The following DELE1 variants were observed in gnomAD, a reference collection of about 807,000 sequenced individuals.
DELE1 encodes the protein DAP3 binding cell death enhancer 1, also known as death ligand signal enhancer.
A neutral mutation model predicts 59.3 loss-of-function variants in DELE1; 54 were observed. The ratio of observed to expected loss-of-function variants is 0.91; its 90% confidence interval spans 0.73 to 1.14. DELE1 has a LOEUF of 1.14. Among genes scored for constraint, DELE1 ranks in the 50% most tolerant of loss-of-function variants. DELE1 has a pLI of 0.00. For missense variants in DELE1, 636 were observed against 643.9 expected (o/e 0.99, Z 0.13); for synonymous variants, 264 against 259.1 (o/e 1.02, Z -0.18).
intron 3 of DELE1, among the ~76,000 whole-genome samples, chr5:141,926,068 C>T (rs532091932): frequency 7.9e-5 from 12 of 151,918 alleles, no homozygotes; most frequent in African/African-American, 1.7e-4. Flanking sequence ...TTAGTAGAGA[C>T]GGGGTTTCAC....
intron 8 of DELE1, 133 bp from the exon 9 acceptor site, chr5:141,934,107 G>T: frequency 1.4e-6 from 1 of 694,758 alleles, no homozygotes. Context: ...TTAAATTTTA[G>T]CTTATCTGAA....
chr5:141,939,529 C>T lies in DELE1; in HGVS notation c.*770C>T. ...AGGAAGAAGTTTCTTGCCCAAATGCCTGGATGTGTCTGCTTGACTTTCAGA... is the reference window on the plus strand; with the variant it reads ...AGGAAGAAGTTTCTTGCCCAAATGCTTGGATGTGTCTGCTTGACTTTCAGA... On this transcript the variant is annotated 3_prime_UTR_variant, in exon 12 of 12. Coordinates refer to ENST00000432126, the MANE Select transcript of DELE1 (RefSeq NM_014773.5). 1.0e-6 allele frequency: 1 copy of T among 985,818 alleles called. No individual in the cohort carries two copies. Among genetic ancestry groups the T allele is most frequent in the Non-Finnish European group, 1.2e-6 (1 of 829,940 alleles). 61.1% of individuals were successfully genotyped at this position (985,818 alleles called of 1,614,324 possible).
rs144966236 is a variant in DELE1, at chr5:141,941,622, G to A, written c.*2863G>A. ...GGGCCAGCCTGGGTCAGGATGCTGGGTTAAAGCCCGGCGCCCTCACCAATG... is the reference window on the plus strand; with the variant it reads ...GGGCCAGCCTGGGTCAGGATGCTGGATTAAAGCCCGGCGCCCTCACCAATG... On this transcript the variant is annotated 3_prime_UTR_variant, in exon 12 of 12. Transcript: ENST00000432126. 894 of 985,458 alleles carry A rather than the reference G, an allele frequency of 9.1e-4. 1 individual carries two copies. Among genetic ancestry groups the A allele is most frequent in the Admixed American group, 1.5e-3 (25 of 16,284 alleles). The allele number at this position is 985,458 out of a possible 1,614,324, so 61.0% of individuals were successfully genotyped here.
chr5:141,924,832 T>C (rs561273506), intron 2 of DELE1, 137 bp downstream of exon 2: 23 of 607,940 alleles, frequency 3.8e-5, no homozygotes, highest in African/African-American at 3.7e-4. Flanking sequence ...CTCAGCTCAC[T>C]GCAACCTCCG....
chr5:141,927,919 A>G (rs1212734174), intron 3 of DELE1, among the ~76,000 whole-genome samples: 1 of 150,960 alleles, frequency 6.6e-6, no homozygotes, highest in African/African-American at 2.5e-5. Flanking sequence ...GTCCCTGCCC[A>G]TGTCGTGCTT....
chr5:141,934,847 C>T, intron 10 of DELE1: 1 of 510,946 alleles, frequency 2.0e-6, no homozygotes. Context: ...ACAGAAATTG[C>T]TAAATGCCAT....
chr5:141,940,303 G>GAGAAA lies in DELE1; in HGVS notation c.*1545_*1546insGAAAA. On this transcript the variant is annotated 3_prime_UTR_variant, in exon 12 of 12. Coordinates refer to ENST00000432126, the MANE Select transcript of DELE1 (RefSeq NM_014773.5). ...AGGAGAGAGACTTAGGAAAAAAAAA[G>GAGAAA]ATTTCTGAGTCAGTGCTAATGAGTC... 1.0e-6 allele frequency: 1 copy of GAGAAA among 985,074 alleles called. No individual in the cohort carries two copies. Among genetic ancestry groups the GAGAAA allele is most frequent in the Non-Finnish European group, 1.2e-6 (1 of 829,832 alleles). 61.0% of individuals were successfully genotyped at this position (985,074 alleles called of 1,614,324 possible). A position where few individuals can be genotyped will look rare whatever the true frequency, so the allele number is the denominator to read the frequency against.
chr5:141,934,676 G>T, intron 10 of DELE1, 90 bp downstream of exon 10: 1 of 1,252,222 alleles, frequency 8.0e-7, no homozygotes, highest in Non-Finnish European at 1.2e-6. Context: ...CTGTGCTTAG[G>T]AGATTGTTGG....
intron 2 of DELE1, 66 bp downstream of exon 2, chr5:141,924,761 T>G (rs112383381): frequency 0.11 from 121,707 of 1,074,442 alleles, 9,088 homozygotes; most frequent in African/African-American, 0.32. Flanking sequence ...TTTTTTTTTT[T>G]TTGTTGTTTT....
chr5:141,924,654 T>C lies in DELE1; in HGVS notation c.105T>C (p.Thr35=), dbSNP rs1218127756. 14 of 1,613,968 alleles carry C rather than the reference T, an allele frequency of 8.7e-6. No individual in the cohort carries two copies. Among genetic ancestry groups the C allele is most frequent in the Admixed American group, 1.7e-5 (1 of 60,006 alleles). ...CCACCAGCCCAGATGGGCCTCAGAC[T>C]ACCTCCTCCACTTTGCTGGTTCCTG... ...PKSTSPDGPQ[T]TSSTLLVPVP... The change falls in exon 2 of 12, where the codon ACT becomes ACC. Residue 35 remains threonine, a synonymous_variant. Transcript: ENST00000432126.
intron 3 of DELE1, among the ~76,000 whole-genome samples, chr5:141,925,973 G>T (rs1418862524): frequency 6.6e-6 from 1 of 151,924 alleles, no homozygotes; most frequent in Non-Finnish European, 1.5e-5. Flanking sequence ...TCCGTCTCCC[G>T]GGTTCAAGCA....
Position 141,938,506 on chromosome 5 carries a change from C to T in DELE1, c.1310-15C>T, listed in dbSNP as rs1752542022. On this transcript the variant is annotated splice_polypyrimidine_tract_variant and intron_variant, in intron 11 of 11. Transcript: ENST00000432126. ...ATACAGCAAGAGTAAGAGTTGCTCT[C>T]ACCTCTTCTTGTAGCCCCGGGGCCC... 1.9e-6 allele frequency: 3 copies of T among 1,612,268 alleles called. No homozygotes were observed. Among genetic ancestry groups the T allele is most frequent in the Non-Finnish European group, 2.5e-6 (3 of 1,178,874 alleles).
rs1224318287 is a variant in DELE1 at position 141,939,985 on chromosome 5, C to T, written c.*1226C>T. ...CAGAGTTCTTGTCCATCAGTTCATA[C>T]TGCAATTTTATGTGAAAGCATTATG... On this transcript the variant is annotated 3_prime_UTR_variant, in exon 12 of 12. Transcript: ENST00000432126. 1 of 984,428 alleles carries T rather than the reference C, an allele frequency of 1.0e-6. No individual in the cohort carries two copies. 61.0% of individuals were successfully genotyped at this position (984,428 alleles called of 1,614,324 possible).
At chr5:141,934,657 T>C (rs1752220638) in intron 10 of DELE1, 71 bp downstream of exon 10, 4 of 1,383,564 alleles carry the variant, frequency 2.9e-6, no homozygotes, top group Non-Finnish European at 4.1e-6. Context: ...GAACTGGTAC[T>C]GAGTTCTTCT....
At position 141,938,875 on chromosome 5, in the gene DELE1, G is replaced by C. The variant is rs1752575388; in HGVS notation, c.*116G>C. On this transcript the variant is annotated 3_prime_UTR_variant, in exon 12 of 12. Coordinates refer to ENST00000432126, the MANE Select transcript of DELE1 (RefSeq NM_014773.5). Reference sequence around the variant, plus strand: ...AGGTAGAAATTCCAGCGGGAGTTCAGGTTCCCAAGCAATTTCACGTACATG... The same window carrying C: ...AGGTAGAAATTCCAGCGGGAGTTCACGTTCCCAAGCAATTTCACGTACATG... 1.3e-6 allele frequency: 2 copies of C among 1,489,078 alleles called. No homozygotes were observed. The highest frequency in any genetic ancestry group is 1.8e-6 in the Non-Finnish European group (2 of 1,126,838). 92.2% of individuals were successfully genotyped at this position (1,489,078 alleles called of 1,614,324 possible). A position where few individuals can be genotyped will look rare whatever the true frequency, so the allele number is the denominator to read the frequency against.
At chr5:141,925,119 C>T (rs1406562364) in intron 2 of DELE1, among the ~76,000 whole-genome samples, 3 of 151,870 alleles carry the variant, frequency 2.0e-5, no homozygotes, top group Admixed American at 1.3e-4. Flanking sequence ...TTAGTAGAGA[C>T]GGGGTTTCAC....
chr5:141,929,495 C>T (rs1751707666), intron 4 of DELE1, 87 bp from the exon 5 acceptor site: 4 of 1,434,878 alleles, frequency 2.8e-6, no homozygotes, highest in African/African-American at 2.8e-5. Context: ...GGTGATCCAC[C>T]CGCCTCGGCC....
In DELE1 at chr5:141,929,966, G is replaced by A. The variant is rs768461946; in HGVS notation, c.572-23G>A. ...TACAACTTTCTCCTTTGCCCTGGCC[G>A]GGTGTCGGCCTTTCCCTTGCAGGTC... is the stretch of plus-strand genomic sequence containing the variant. On this transcript the variant is annotated intron_variant, in intron 5 of 11. Coordinates refer to ENST00000432126, the MANE Select transcript of DELE1 (RefSeq NM_014773.5). The A allele has an allele frequency of 9.6e-5, 154 of 1,608,836 alleles. No individual in the cohort carries two copies. The highest frequency in any genetic ancestry group is 3.7e-4 in the South Asian group (34 of 90,970).
intron 3 of DELE1, among the ~76,000 whole-genome samples, chr5:141,926,396 A>C (rs1190400251): frequency 6.6e-6 from 1 of 152,184 alleles, no homozygotes; most frequent in African/African-American, 2.4e-5. Flanking sequence ...CATCAAATAC[A>C]GAGCCTAGCC....
Sources: allele counts gnomAD v4.1 joint callset (sites outside exome capture counted in the v4.1 genomes callset), GRCh38; gene constraint gnomAD v4.1.1; transcripts MANE v1.5; gene names NCBI Gene and HGNC (gene_info 2026-07-23, HGNC 2026-07-21).